The following SPESP1 variants were observed in gnomAD, a reference collection of about 807,000 sequenced individuals.
SPESP1 encodes the protein equatorial segment protein.
A neutral mutation model predicts 3.1 loss-of-function variants in SPESP1; 1 was observed. The observed-to-expected ratio is 0.33, with a 90% confidence interval of 0.12 to 1.54. The LOEUF (loss-of-function observed/expected upper bound fraction) is 1.54, where lower values mean the gene tolerates loss of function less well. Among genes scored for constraint, SPESP1 ranks in the 40% most tolerant of loss-of-function variants. The probability of loss-of-function intolerance (pLI) is 0.38; values close to 1 mark genes in which losing one functional copy is unlikely to be tolerated. For synonymous variants in SPESP1, 138 were observed against 150.7 expected, an observed-to-expected ratio of 0.92 and a Z score of 0.62; for missense variants, 398 against 410.1, an observed-to-expected ratio of 0.97 and a Z score of 0.26.
chr15:68,934,831 T>A (rs560364828), intron 1 of SPESP1, among the ~76,000 whole-genome samples: 1 of 152,202 alleles, frequency 6.6e-6, no homozygotes, highest in East Asian at 1.9e-4. Context: ...TTAACCTAAG[T>A]ATAGTTTTTT....
chr15:68,945,721 C>T lies in SPESP1; in HGVS notation c.187C>T (p.His63Tyr). ...GREKKSNSPK[H>Y]VYSIASKGSK... Reference sequence around the variant, plus strand: ...TGAGAAAAAATCTAACTCTCCAAAACATGTTTATTCTATAGCATCAAAGGG... The same window carrying T: ...TGAGAAAAAATCTAACTCTCCAAAATATGTTTATTCTATAGCATCAAAGGG... Residue 63 changes from histidine to tyrosine, a missense_variant, in exon 2 of 2, where the codon CAT (histidine) becomes TAT (tyrosine). Coordinates refer to ENST00000310673, the MANE Select transcript of SPESP1 (RefSeq NM_145658.4). 1 of 1,614,062 alleles carries T rather than the reference C, an allele frequency of 6.2e-7. No individual in the cohort carries two copies. The highest frequency in any genetic ancestry group is 8.5e-7 in the Non-Finnish European group (1 of 1,179,992).
chr15:68,936,872 C>G (rs957061184), intron 1 of SPESP1, among the ~76,000 whole-genome samples: 1 of 152,052 alleles, frequency 6.6e-6, no homozygotes, highest in African/African-American at 2.4e-5. Flanking sequence ...TATGGGGGCT[C>G]TCTGAGAAAT....
intron 1 of SPESP1, among the ~76,000 whole-genome samples, chr15:68,940,062 C>G (rs1895779180): frequency 6.6e-6 from 1 of 152,036 alleles, no homozygotes; most frequent in South Asian, 2.1e-4. Context: ...AATATGTACA[C>G]AAGTACAAAG....
intron 1 of SPESP1, among the ~76,000 whole-genome samples, chr15:68,935,545 TCTTACGAAGCCTACA>T (rs1420657345): frequency 6.6e-6 from 1 of 152,188 alleles, no homozygotes; most frequent in East Asian, 1.9e-4. Context: ...ACATGGATGC[TCTTACGAAGCCTACA>T]CTGTATCAGA....
rs1895957700 is a variant in SPESP1, at chr15:68,946,144, G to C, written c.610G>C (p.Gly204Arg). 6.2e-7 allele frequency: 1 copy of C among 1,614,030 alleles called. No homozygotes were observed. The highest frequency in any genetic ancestry group is 8.5e-7 in the Non-Finnish European group (1 of 1,180,042). The change falls in exon 2 of 2, where the codon GGT (glycine) becomes CGT (arginine). Residue 204 changes from glycine to arginine, a missense_variant. Coordinates refer to ENST00000310673, the MANE Select transcript of SPESP1 (RefSeq NM_145658.4). ...ATCAGAAGATGTTCCTCAGCTCTCAGGTGAAACTGCGATAGAAAAACCCGA... is the reference window on the plus strand; with the variant it reads ...ATCAGAAGATGTTCCTCAGCTCTCACGTGAAACTGCGATAGAAAAACCCGA... ...TESEDVPQLS[G>R]ETAIEKPEEF...
chr15:68,933,665 G>C (rs1478737165), intron 1 of SPESP1, among the ~76,000 whole-genome samples: 1 of 151,490 alleles, frequency 6.6e-6, no homozygotes, highest in Non-Finnish European at 1.5e-5. Flanking sequence ...TCAAGACCAG[G>C]CTGGGCAACA....
At chr15:68,934,095 T>G (rs1015909401) in intron 1 of SPESP1, among the ~76,000 whole-genome samples, 5 of 152,062 alleles carry the variant, frequency 3.3e-5, no homozygotes, top group Admixed American at 1.3e-4. Context: ...ATAAATAAAA[T>G]TAAAATATTA....
At chr15:68,942,644 C>T (rs955462512) in intron 1 of SPESP1, among the ~76,000 whole-genome samples, 7 of 152,110 alleles carry the variant, frequency 4.6e-5, no homozygotes, top group Non-Finnish European at 7.4e-5. Flanking sequence ...GAAATGTAAG[C>T]AGTTACCTTT....
Position 68,945,993 on chromosome 15 carries a change from AAAAC to A in SPESP1, c.464_467del (p.Gln155LeufsTer29). 3 of 1,614,200 alleles carry A rather than the reference AAAAC, an allele frequency of 1.9e-6. No individual in the cohort carries two copies. Among genetic ancestry groups the A allele is most frequent in the Non-Finnish European group, 8.5e-7 (1 of 1,180,028 alleles). Reference sequence around the variant, plus strand: ...CAGAGCCAGAGCCGGAGCCAGCTGCAAAACAAACTGAGGCACCAAGAATGTTGCC... The same window carrying A: ...CAGAGCCAGAGCCGGAGCCAGCTGCAAAACTGAGGCACCAAGAATGTTGCC... On this transcript the variant is annotated frameshift_variant, in exon 2 of 2. Coordinates refer to ENST00000310673, the MANE Select transcript of SPESP1 (RefSeq NM_145658.4). LOFTEE classifies it low-confidence loss of function (END_TRUNC).
chr15:68,942,361 C>G (rs1895848321), intron 1 of SPESP1, among the ~76,000 whole-genome samples: 1 of 151,918 alleles, frequency 6.6e-6, no homozygotes, highest in Non-Finnish European at 1.5e-5. Flanking sequence ...ATTTATAATT[C>G]TATCATCTGT....
chr15:68,937,824 A>G (rs866895939), intron 1 of SPESP1, among the ~76,000 whole-genome samples: 1 of 152,180 alleles, frequency 6.6e-6, no homozygotes, highest in East Asian at 1.9e-4. Flanking sequence ...TTTAATTTGC[A>G]TATCTTTTAT....
intron 1 of SPESP1, among the ~76,000 whole-genome samples, chr15:68,943,925 A>C (rs1356471091): frequency 6.6e-6 from 1 of 152,196 alleles, no homozygotes; most frequent in African/African-American, 2.4e-5. Context: ...GTAACAGAAT[A>C]AAGAAGAGAG....
rs1438819559 is a variant in SPESP1, at chr15:68,931,728, A to G, written c.64+1011A>G. Among the ~76,000 whole-genome samples, 8 of 152,340 alleles carry G rather than the reference A, an allele frequency of 5.3e-5. No individual in the cohort carries two copies. In the East Asian group the frequency reaches 9.6e-4, roughly 18 times the overall value. On this transcript the variant is annotated intron_variant, in intron 1 of 1. Coordinates refer to ENST00000310673, the MANE Select transcript of SPESP1 (RefSeq NM_145658.4). ...TCAAATTCAGGGGTGCTAAGACTTT[A>G]CTATATTAACAATATCATGTGGGCA...
chr15:68,930,957 G>A (rs938205391), intron 1 of SPESP1, among the ~76,000 whole-genome samples: 1 of 152,198 alleles, frequency 6.6e-6, no homozygotes, highest in Admixed American at 6.5e-5. Context: ...GTGGGCGCGG[G>A]TGGAACCCCC....
At chr15:68,942,149 A>G (rs1895840272) in intron 1 of SPESP1, among the ~76,000 whole-genome samples, 7 of 148,272 alleles carry the variant, frequency 4.7e-5, no homozygotes, top group Admixed American at 4.7e-4. Flanking sequence ...TTTTTCTGTT[A>G]TGTAAACAAC....
Position 68,946,157 on chromosome 15 carries a change from T to C in SPESP1, c.623T>C (p.Ile208Thr). The C allele has an allele frequency of 6.2e-7, 1 of 1,614,126 alleles. No individual in the cohort carries two copies. The highest frequency in any genetic ancestry group is 8.5e-7 in the Non-Finnish European group (1 of 1,180,024). ...CCTCAGCTCTCAGGTGAAACTGCGA[T>C]AGAAAAACCCGAAGAGTTTGGAAAG... Reference protein sequence around the residue: ...DVPQLSGETAIEKPEEFGKHP... With the variant: ...DVPQLSGETATEKPEEFGKHP... The change falls in exon 2 of 2, where the codon ATA (isoleucine) becomes ACA (threonine). Residue 208 changes from isoleucine (I) to threonine (T), a missense_variant. Ile to Thr is a moderately conservative substitution (Grantham distance 89). Coordinates refer to ENST00000310673, the MANE Select transcript of SPESP1 (RefSeq NM_145658.4).
In SPESP1 at chr15:68,930,730, C is replaced by G. The variant is rs1350315208; in HGVS notation, c.64+13C>G. On this transcript the variant is annotated intron_variant, in intron 1 of 1. Transcript: ENST00000310673. ...CCGGCTTATCCGAGTGAGTGACGGG[C>G]CTGAGGAGGCAGCGGACCGGGGACA... The G allele has an allele frequency of 1.9e-6, 3 of 1,613,822 alleles. No homozygotes were observed.
chr15:68,941,620 C>T (rs1050272269), intron 1 of SPESP1, among the ~76,000 whole-genome samples: 2 of 152,162 alleles, frequency 1.3e-5, no homozygotes, highest in African/African-American at 4.8e-5. Context: ...TGTGTCAAAT[C>T]TCTCTGTGTC....
intron 1 of SPESP1, 137 bp downstream of exon 1, chr15:68,930,854 T>C (rs1240260770): frequency 1.5e-6 from 2 of 1,354,512 alleles, no homozygotes; most frequent in Non-Finnish European, 1.0e-6. Context: ...GGTCCTGGCC[T>C]CGACGCCGAG....
Sources: allele counts gnomAD v4.1 joint callset (sites outside exome capture counted in the v4.1 genomes callset), GRCh38; gene constraint gnomAD v4.1.1; transcripts MANE v1.5; gene names NCBI Gene and HGNC (gene_info 2026-07-23, HGNC 2026-07-21).